The following NCOR2 variants were observed in gnomAD, a reference collection of about 807,000 sequenced individuals.
NCOR2 encodes the protein nuclear receptor corepressor 2, also known as CTG repeat protein 26.
NCOR2 carries 81 observed loss-of-function variants against 262.9 expected under a neutral mutation model. That is an observed-to-expected ratio of 0.31 (90% CI 0.26 to 0.37). The LOEUF (loss-of-function observed/expected upper bound fraction) is 0.37, where lower values mean the gene tolerates loss of function less well. Ranked by LOEUF, NCOR2 falls within the 10% of genes least tolerant of loss-of-function variation. NCOR2 has a pLI of 1.00. For synonymous variants in NCOR2, 1,659 were observed against 1,559.3 expected, an observed-to-expected ratio of 1.06 and a Z score of -1.51; for missense variants, 3,385 against 3,621.4, an observed-to-expected ratio of 0.93 and a Z score of 1.68.
exon 19 of NCOR2, chr12:124,374,440 C>T (rs1339188934): frequency 1.2e-6 from 2 of 1,612,958 alleles, no homozygotes; most frequent in Non-Finnish European, 1.7e-6. Flanking sequence ...CCTCTGGGCA[C>T]CTCATTCCCA....
At chr12:124,366,414 G>A (rs1192506234) in intron 20 of NCOR2, among the ~76,000 whole-genome samples, 2 of 152,218 alleles carry the variant, frequency 1.3e-5, no homozygotes, top group East Asian at 1.9e-4. Context: ...AAGGAGATGA[G>A]TGGGTGCCAG....
intron 16 of NCOR2, among the ~76,000 whole-genome samples, chr12:124,396,769 T>C (rs1385687697): frequency 6.6e-6 from 1 of 152,030 alleles, no homozygotes; most frequent in African/African-American, 2.4e-5. Flanking sequence ...CTCAGGGCTG[T>C]GGGGACCCTC....
rs552769953 is a variant in NCOR2, at chr12:124,563,460, G to C, written c.-165+3848C>G. Among the ~76,000 whole-genome samples, 29 of 152,262 alleles carry C rather than the reference G, an allele frequency of 1.9e-4. 1 individual carries two copies. Among genetic ancestry groups the C allele is most frequent in the Admixed American group, 1.6e-3 (24 of 15,306 alleles). ...GTCCCTCCGCTGTGCAACCTCAGGC[G>C]AGCCTGGACCTGTGCCCTCATCTGT... On this transcript the variant is annotated intron_variant, in intron 1 of 32. Transcript: ENST00000458234.
At chr12:124,354,101 T>C in exon 27 of NCOR2, 1 of 1,609,344 alleles carries the variant, frequency 6.2e-7, no homozygotes, top group Non-Finnish European at 8.5e-7. Flanking sequence ...ACGTGGGTGA[T>C]GGAGCCGCGG....
intron 43 of NCOR2, chr12:124,332,082 G>A (rs945993311): frequency 1.3e-5 from 7 of 544,050 alleles, no homozygotes; most frequent in Admixed American, 3.1e-5. Context: ...CACCTACTAT[G>A]TGCTGGGTGC....
chr12:124,486,608 AC>A (rs2047777924), intron 1 of NCOR2, 40 bp from the exon 4 acceptor site: 1 of 1,537,632 alleles, frequency 6.5e-7, no homozygotes, highest in Non-Finnish European at 8.7e-7. Context: ...GTGGGCGGGC[AC>A]GGGCATGGCG....
chr12:124,365,553 C>A (rs1362507852), intron 20 of NCOR2, among the ~76,000 whole-genome samples: 1 of 152,228 alleles, frequency 6.6e-6, no homozygotes, highest in Non-Finnish European at 1.5e-5. Context: ...TCTGCAGGTA[C>A]CAGCCTGCTG....
exon 10 of NCOR2, chr12:124,429,656 T>G: frequency 6.2e-7 from 1 of 1,609,886 alleles, no homozygotes; most frequent in Non-Finnish European, 8.5e-7. Context: ...CACCTCGTGC[T>G]CGCTGCGGGC....
chr12:124,531,855 A>G lies in NCOR2; in HGVS notation c.-118+3710T>C, dbSNP rs1163953125. Among the ~76,000 whole-genome samples, 1 of 147,030 alleles carries G rather than the reference A, an allele frequency of 6.8e-6. No individual in the cohort carries two copies. The highest frequency in any genetic ancestry group is 2.0e-4 in the East Asian group (1 of 4,908). ...CACCCACACCGGACCCCTCACCCCA[A>G]TGTATAGACAATCCCAGACACCCAC... On this transcript the variant is annotated intron_variant, in intron 1 of 46. Transcript: ENST00000404621. This position sits in a 1 kb window ranked among gnomAD's most constrained non-coding sequence, Gnocchi z 4.5.
intron 1 of NCOR2, among the ~76,000 whole-genome samples, chr12:124,491,120 G>A (rs188004289): frequency 7.9e-4 from 120 of 152,304 alleles, no homozygotes; most frequent in African/African-American, 2.7e-3. Flanking sequence ...CATACGGGCC[G>A]CGAAGGGCGG....
At chr12:124,358,461 A>G (rs1029870329) in intron 22 of NCOR2, among the ~76,000 whole-genome samples, 3 of 152,100 alleles carry the variant, frequency 2.0e-5, no homozygotes, top group Non-Finnish European at 2.9e-5. Flanking sequence ...GTGGGGGGTT[A>G]TAAGCCCAGA....
At chr12:124,430,561 T>G (rs1051140005) in intron 9 of NCOR2, 54 bp downstream of exon 11, 2 of 1,555,086 alleles carry the variant, frequency 1.3e-6, no homozygotes, top group African/African-American at 2.7e-5. Context: ...CTGAGGATGC[T>G]GGAGCTGACC....
chr12:124,365,793 C>T (rs1253611059), intron 20 of NCOR2, among the ~76,000 whole-genome samples: 1 of 151,964 alleles, frequency 6.6e-6, no homozygotes, highest in Non-Finnish European at 1.5e-5. Context: ...CCTTTGGCCA[C>T]TGCCATGCCT....
intron 6 of NCOR2, among the ~76,000 whole-genome samples, chr12:124,450,143 A>AG (rs2045430107): frequency 6.6e-6 from 1 of 152,320 alleles, no homozygotes; most frequent in African/African-American, 2.4e-5. Flanking sequence ...CTGGCCTGGA[A>AG]GGGGCCACAG....
chr12:124,372,743 C>T lies in NCOR2; in HGVS notation c.2219-133G>A, dbSNP rs1352424696. ...AAACAGCCCCGAGGCTCCTACACAC[C>T]TGGGCTGCTGCCTAGAGCCCCACCC... On this transcript the variant is annotated intron_variant, in intron 19 of 46. Transcript: ENST00000405201. 3 of 754,600 alleles carry T rather than the reference C, an allele frequency of 4.0e-6. No homozygotes were observed. In the East Asian group the frequency reaches 8.5e-5, roughly 21 times the overall value. The allele number at this position is 754,600 out of a possible 1,614,324, so 46.7% of individuals were successfully genotyped here.
intron 17 of NCOR2, among the ~76,000 whole-genome samples, chr12:124,382,449 C>T (rs1431815550): frequency 3.3e-5 from 5 of 152,340 alleles, no homozygotes; most frequent in Middle Eastern, 3.4e-3. Context: ...ACCTGGATCT[C>T]GGGGTCCCCT....
exon 45 of NCOR2, chr12:124,327,421 G>A (rs2034777428): frequency 1.2e-6 from 2 of 1,610,644 alleles, no homozygotes; most frequent in Admixed American, 1.7e-5. Flanking sequence ...GGCGAGGTGA[G>A]TGTGTGGTCA....
intron 3 of NCOR2, among the ~76,000 whole-genome samples, chr12:124,478,719 A>G (rs1312929825): frequency 6.6e-6 from 1 of 152,190 alleles, no homozygotes; most frequent in Non-Finnish European, 1.5e-5. Context: ...AGAGAGACAG[A>G]CACAGAGACG....
intron 7 of NCOR2, among the ~76,000 whole-genome samples, chr12:124,439,333 AC>A (rs2044664827): frequency 1.3e-5 from 2 of 150,746 alleles, no homozygotes; most frequent in African/African-American, 4.9e-5. Context: ...AGAGGGAGAG[AC>A]AGAGACCCAG....
Sources: allele counts gnomAD v4.1 joint callset (sites outside exome capture counted in the v4.1 genomes callset), GRCh38; gene constraint gnomAD v4.1.1; non-coding constraint Gnocchi (gnomAD v3.1); transcripts MANE v1.5; gene names NCBI Gene and HGNC (gene_info 2026-07-23, HGNC 2026-07-21).